Variants in FAM162B observed in about 807,000 individuals in gnomAD.
FAM162B encodes protein FAM162B.
In FAM162B, 16 loss-of-function variants were observed where a neutral mutation model predicts 20.0. That is an observed-to-expected ratio of 0.80 (90% CI 0.54 to 1.21). The LOEUF (loss-of-function observed/expected upper bound fraction) is 1.21, where lower values mean the gene tolerates loss of function less well. FAM162B is among the 50% of genes most tolerant of loss of function. The pLI, the probability that FAM162B is intolerant of heterozygous loss-of-function variation, is 0.00. For synonymous variants in FAM162B, 83 were observed against 89.7 expected (o/e 0.93, Z 0.42); for missense variants, 260 against 227.5 (o/e 1.14, Z -0.92).
chr6:116,757,389 G>A (rs760632853), intron 3 of FAM162B, among the ~76,000 whole-genome samples: 4 of 151,968 alleles, frequency 2.6e-5, no homozygotes, highest in Non-Finnish European at 5.9e-5. Flanking sequence ...TATATAATAC[G>A]GTATATGTCA....
rs749812283 is a variant in FAM162B, at chr6:116,765,201, A to AT, written c.226dup (p.Ile76AsnfsTer61). 3.1e-6 allele frequency: 5 copies of AT among 1,613,814 alleles called. No homozygotes were observed. The South Asian group carries it at 5.5e-5, about 18-fold the overall frequency. ...TTTGAAACGCCCTGTCCACAGCAGG[A>AT]TTTTCTTGTCGAACTGCGAAGGCCT... On this transcript the variant is annotated frameshift_variant, in exon 2 of 4. Transcript: ENST00000368557. LOFTEE classifies it high-confidence loss of function.
At position 116,762,047 on chromosome 6, in the gene FAM162B, A is replaced by C; in HGVS notation, c.320T>G (p.Val107Gly). The change falls in exon 3 of 4, where the codon GTG becomes GGG. Residue 107 changes from valine to glycine, a missense_variant. Val to Gly is a moderately radical substitution (Grantham distance 109). Transcript: ENST00000368557. ...MIDTARNKAR[V>G]KACYIMIGLT... ...TCCAATCATTATGTAACAAGCTTTC[A>C]CTCGAGCTTTGTTTCTTGCGGTGTC... 1 of 1,599,604 alleles carries C rather than the reference A, an allele frequency of 6.3e-7. No individual in the cohort carries two copies. Among genetic ancestry groups the C allele is most frequent in the Non-Finnish European group, 8.6e-7 (1 of 1,169,290 alleles).
chr6:116,752,710 A>AT lies in FAM162B; in HGVS notation c.391-16_391-15insA. The AT allele has an allele frequency of 1.2e-6, 1 of 835,328 alleles. No homozygotes were observed. The highest frequency in any genetic ancestry group is 1.7e-6 in the Non-Finnish European group (1 of 580,012). 51.7% of individuals were successfully genotyped at this position (835,328 alleles called of 1,614,324 possible). ...CGTTCTACAGCCTGTGGGGGGGAAG[A>AT]AATATATATATATATATATATATAG... On this transcript the variant is annotated splice_polypyrimidine_tract_variant and intron_variant, in intron 3 of 3. Transcript: ENST00000368557.
Position 116,765,559 on chromosome 6 carries a change from C to G in FAM162B, c.18G>C (p.Gly6=). 7.3e-7 allele frequency: 1 copy of G among 1,374,574 alleles called. No homozygotes were observed. The allele number at this position is 1,374,574 out of a possible 1,614,324, so 85.1% of individuals were successfully genotyped here. A position where few individuals can be genotyped will look rare whatever the true frequency, so the allele number is the denominator to read the frequency against. MLRAV[G]SLLRLGRGLT... is the part of the protein sequence containing the mutation. Reference sequence around the variant, plus strand: ...GCCCGCGGCCAAGGCGCAGTAGGCTCCCGACCGCCCTGAGCATGCTGCCCG... The same window carrying G: ...GCCCGCGGCCAAGGCGCAGTAGGCTGCCGACCGCCCTGAGCATGCTGCCCG... Residue 6 remains glycine, a synonymous_variant, in exon 1 of 4, where the codon GGG becomes GGC. Transcript: ENST00000368557.
chr6:116,752,746 A>ATG, intron 3 of FAM162B, 51 bp from the exon 4 acceptor site: 1 of 449,080 alleles, frequency 2.2e-6, no homozygotes, highest in Non-Finnish European at 3.2e-6. Context: ...ATACACGTAT[A>ATG]TATATATATA....
intron 3 of FAM162B, among the ~76,000 whole-genome samples, chr6:116,760,459 T>C (rs1562468461): frequency 6.6e-6 from 1 of 152,218 alleles, no homozygotes; most frequent in Non-Finnish European, 1.5e-5. Flanking sequence ...GGTCTTAATG[T>C]CTCATTTGGA....
chr6:116,753,522 G>A (rs1780015548), intron 3 of FAM162B, among the ~76,000 whole-genome samples: 1 of 152,122 alleles, frequency 6.6e-6, no homozygotes, highest in Non-Finnish European at 1.5e-5. Context: ...GAAAGATAGA[G>A]TTGACATCAA....
At chr6:116,764,963 CTT>C (rs1387621713) in intron 2 of FAM162B, among the ~76,000 whole-genome samples, 182 bp downstream of exon 2, 2 of 152,308 alleles carry the variant, frequency 1.3e-5, no homozygotes, top group East Asian at 3.9e-4. Context: ...TTAATTGACT[CTT>C]GACACACCGC....
chr6:116,765,590 C>T lies in FAM162B; in HGVS notation c.-14G>A. 1 of 1,317,050 alleles carries T rather than the reference C, an allele frequency of 7.6e-7. No individual in the cohort carries two copies. The highest frequency in any genetic ancestry group is 9.6e-7 in the Non-Finnish European group (1 of 1,040,360). The allele number at this position is 1,317,050 out of a possible 1,614,324, so 81.6% of individuals were successfully genotyped here. On this transcript the variant is annotated 5_prime_UTR_variant, in exon 1 of 4. Coordinates refer to ENST00000368557, the MANE Select transcript of FAM162B (RefSeq NM_001085480.3). ...CGCCCTGAGCATGCTGCCCGCTTGT[C>T]CCGCGCCGCACCCGCACCTCCGGAC...
intron 3 of FAM162B, among the ~76,000 whole-genome samples, chr6:116,755,087 C>T (rs923094072): frequency 6.6e-6 from 1 of 152,056 alleles, no homozygotes; most frequent in African/African-American, 2.4e-5. Context: ...TCTACATGTT[C>T]AAGTAAAAGG....
intron 3 of FAM162B, among the ~76,000 whole-genome samples, chr6:116,755,569 G>A (rs981854486): frequency 1.3e-5 from 2 of 152,214 alleles, no homozygotes; most frequent in African/African-American, 4.8e-5. Context: ...AGCTAATTTT[G>A]TTGATGAAGT....
Position 116,765,692 on chromosome 6 carries a change from A to G in FAM162B, c.-116T>C. On this transcript the variant is annotated 5_prime_UTR_variant, in exon 1 of 4. Coordinates refer to ENST00000368557, the MANE Select transcript of FAM162B (RefSeq NM_001085480.3). ...GCGCGCTGGAGAGCCTGGGACGTGCAGCTGGAACCCCTGGCGCTCGCACAC... is the reference window on the plus strand; with the variant it reads ...GCGCGCTGGAGAGCCTGGGACGTGCGGCTGGAACCCCTGGCGCTCGCACAC... The G allele has an allele frequency of 8.7e-7, 1 of 1,151,038 alleles. No homozygotes were observed. The highest frequency in any genetic ancestry group is 1.6e-5 in the African/African-American group (1 of 62,750). The allele number at this position is 1,151,038 out of a possible 1,614,324, so 71.3% of individuals were successfully genotyped here.
intron 1 of FAM162B, 40 bp from the exon 2 acceptor site, chr6:116,765,295 C>G (rs754099711): frequency 1.2e-5 from 20 of 1,603,784 alleles, no homozygotes; most frequent in Non-Finnish European, 1.5e-5. Flanking sequence ...GGAACTGACG[C>G]ACCGGCACAG....
At chr6:116,754,312 G>C (rs780081319) in intron 3 of FAM162B, among the ~76,000 whole-genome samples, 6 of 152,136 alleles carry the variant, frequency 3.9e-5, no homozygotes, top group Non-Finnish European at 5.9e-5. Flanking sequence ...GGAAGATACT[G>C]ATTCAGCACT....
In FAM162B at chr6:116,765,405, C is replaced by G; in HGVS notation, c.172G>C (p.Gly58Arg). Residue 58 changes from glycine to arginine, a missense_variant and splice_region_variant, in exon 1 of 4, where the codon GGG becomes CGG. Transcript: ENST00000368557. ...CCTCCCCGTCGGAGCCCTGGCTCAC[C>G]GTGACCTTGGGGCCCAGAATTGCTG... ...APSNSGPQGH[G>R]EIHRVPTQRR... 1 of 1,465,832 alleles carries G rather than the reference C, an allele frequency of 6.8e-7. No individual in the cohort carries two copies. Among genetic ancestry groups the G allele is most frequent in the Non-Finnish European group, 9.0e-7 (1 of 1,106,504 alleles). 90.8% of individuals were successfully genotyped at this position (1,465,832 alleles called of 1,614,324 possible).
At chr6:116,763,776 A>T (rs1259295627) in intron 2 of FAM162B, among the ~76,000 whole-genome samples, 1 of 142,736 alleles carries the variant, frequency 7.0e-6, no homozygotes, top group Non-Finnish European at 1.5e-5. Context: ...ACTTATTTTA[A>T]TTTTTTTTTT....
At chr6:116,761,683 T>C (rs966688644) in intron 3 of FAM162B, among the ~76,000 whole-genome samples, 53 of 122,278 alleles carry the variant, frequency 4.3e-4, no homozygotes, top group Admixed American at 3.5e-4. Flanking sequence ...TATATATACA[T>C]ATATACATAT....
At chr6:116,756,488 G>C (rs1306259238) in intron 3 of FAM162B, among the ~76,000 whole-genome samples, 1 of 152,146 alleles carries the variant, frequency 6.6e-6, no homozygotes, top group Non-Finnish European at 1.5e-5. Flanking sequence ...TGTGAACATT[G>C]GTGAAATTAG....
Position 116,761,974 on chromosome 6 carries a change from C to A in FAM162B, c.390+3G>T, listed in dbSNP as rs377479600. The stretch of plus-strand genomic sequence containing the variant: ...TGACTTGCCCTTTTAAGGAGATACT[C>A]ACCCTTTTGGCTGACACTATCACAG... On this transcript the variant is annotated splice_donor_region_variant and intron_variant, in intron 3 of 3. Coordinates refer to ENST00000368557, the MANE Select transcript of FAM162B (RefSeq NM_001085480.3). The A allele has an allele frequency of 1.9e-6, 3 of 1,582,968 alleles. No homozygotes were observed. Among genetic ancestry groups the A allele is most frequent in the Admixed American group, 3.4e-5 (2 of 59,034 alleles).
Sources: gnomAD v4.1 joint callset for allele counts (sites outside exome capture counted in the v4.1 genomes callset) on GRCh38, gnomAD v4.1.1 for gene constraint, MANE v1.5 for transcripts, NCBI Gene and HGNC (gene_info 2026-07-23, HGNC 2026-07-21) for gene names.